Variants in RAB2A observed in about 807,000 individuals in gnomAD.
RAB2A encodes the protein ras-related protein Rab-2A.
In RAB2A, 7 loss-of-function variants were observed where a neutral mutation model predicts 32.5. The ratio of observed to expected loss-of-function variants is 0.22; its 90% CI spans 0.12 to 0.40. The LOEUF (loss-of-function observed/expected upper bound fraction) is 0.40, where lower values mean the gene tolerates loss of function less well. Among genes scored for constraint, RAB2A ranks in the 10% least tolerant of loss-of-function variants. RAB2A has a pLI of 1.00. For missense variants in RAB2A, 108 were observed against 260.7 expected, an observed-to-expected ratio of 0.41 and a Z score of 4.03; for synonymous variants, 79 against 85.2, an observed-to-expected ratio of 0.93 and a Z score of 0.40.
intron 2 of RAB2A, among the ~76,000 whole-genome samples, chr8:60,561,681 C>T (rs893364746): frequency 2.0e-5 from 3 of 152,148 alleles, no homozygotes; most frequent in African/African-American, 4.8e-5. Flanking sequence ...TTGAAGTTTC[C>T]TAGGGACGAG....
At chr8:60,529,149 C>T (rs1220890113) in intron 1 of RAB2A, among the ~76,000 whole-genome samples, 1 of 151,402 alleles carries the variant, frequency 6.6e-6, no homozygotes, top group African/African-American at 2.4e-5. Flanking sequence ...TGATTTCTGA[C>T]TTTATTACAC....
intron 1 of RAB2A, among the ~76,000 whole-genome samples, chr8:60,549,395 C>T (rs1282118307): frequency 1.3e-5 from 2 of 151,834 alleles, no homozygotes; most frequent in African/African-American, 4.8e-5. Flanking sequence ...CCCAGCACCT[C>T]GGGAGGCCGA....
chr8:60,605,828 A>AATATATATATATATATATATATATAT (rs765737905), intron 6 of RAB2A, among the ~76,000 whole-genome samples: 2 of 114,014 alleles, frequency 1.8e-5, no homozygotes, highest in Admixed American at 1.6e-4. Context: ...AAAAGGGACT[A>AATATATATATATATATATATATATAT]ATACATATAT....
chr8:60,586,449 T>C (rs1335398347), intron 5 of RAB2A, among the ~76,000 whole-genome samples: 1 of 150,770 alleles, frequency 6.6e-6, no homozygotes, highest in Non-Finnish European at 1.5e-5. Context: ...TAAAATAAAA[T>C]AGATACTGAT....
intron 2 of RAB2A, among the ~76,000 whole-genome samples, chr8:60,562,519 A>G (rs1276802031): frequency 6.6e-6 from 1 of 152,242 alleles, no homozygotes; most frequent in Non-Finnish European, 1.5e-5. Flanking sequence ...GGTAGCTAAC[A>G]TGAACTATTT....
chr8:60,533,649 GA>G (rs1807513739), intron 1 of RAB2A, among the ~76,000 whole-genome samples: 1 of 152,120 alleles, frequency 6.6e-6, no homozygotes, highest in South Asian at 2.1e-4. Flanking sequence ...ATTTGCAGTT[GA>G]TTTTTTTTCT....
chr8:60,536,437 C>T (rs1332001321), intron 1 of RAB2A, among the ~76,000 whole-genome samples: 1 of 152,092 alleles, frequency 6.6e-6, no homozygotes, highest in Admixed American at 6.6e-5. Context: ...CATTTACATC[C>T]AGTTTGATAT....
intron 1 of RAB2A, chr8:60,558,409 CT>C (rs1308678131): frequency 2.0e-6 from 1 of 506,278 alleles, no homozygotes; most frequent in Non-Finnish European, 3.9e-6. Context: ...GAGCAAGGAG[CT>C]TTTCCCAGAA....
intron 1 of RAB2A, among the ~76,000 whole-genome samples, chr8:60,529,091 T>C (rs56160504): frequency 0.15 from 22,646 of 152,108 alleles, 1,839 homozygotes; most frequent in East Asian, 0.26. Flanking sequence ...CATGTTTCTT[T>C]TTTTTTTCTT....
intron 1 of RAB2A, among the ~76,000 whole-genome samples, chr8:60,548,844 G>C (rs1280345477): frequency 6.6e-6 from 1 of 151,618 alleles, no homozygotes; most frequent in African/African-American, 2.4e-5. Flanking sequence ...CCTCCCGGAC[G>C]AGGTGGCTGC....
chr8:60,584,665 C>A, intron 4 of RAB2A, 58 bp from the exon 5 acceptor site: 3 of 1,364,314 alleles, frequency 2.2e-6, no homozygotes, highest in South Asian at 2.5e-5. Context: ...GTATATTGTT[C>A]GTTGTATACT....
At chr8:60,570,664 A>G (rs2130839412) in intron 2 of RAB2A, among the ~76,000 whole-genome samples, 1 of 152,070 alleles carries the variant, frequency 6.6e-6, no homozygotes, top group East Asian at 1.9e-4. Context: ...ATACATCATG[A>G]CTCCTGGATC....
chr8:60,613,657 A>C (rs771247952), intron 6 of RAB2A, among the ~76,000 whole-genome samples: 1 of 152,200 alleles, frequency 6.6e-6, no homozygotes, highest in Non-Finnish European at 1.5e-5. Context: ...TTAAAGGTCT[A>C]ACTTCATCCC....
intron 1 of RAB2A, among the ~76,000 whole-genome samples, chr8:60,542,774 T>C (rs1156941565): frequency 6.6e-6 from 1 of 152,072 alleles, no homozygotes; most frequent in Non-Finnish European, 1.5e-5. Context: ...TTTTTTTAAT[T>C]GATTCTTTAG....
At chr8:60,619,018 A>C (rs41272429) in intron 7 of RAB2A, 2,919 of 152,416 alleles carry the variant, frequency 0.019, 48 homozygotes, top group Non-Finnish European at 0.031. Flanking sequence ...TCTGGTATAT[A>C]AATGCATGTA....
At chr8:60,587,717 A>G (rs144183360) in intron 5 of RAB2A, among the ~76,000 whole-genome samples, 2 of 152,330 alleles carry the variant, frequency 1.3e-5, no homozygotes, top group East Asian at 3.9e-4. Flanking sequence ...ATACTTTAAA[A>G]CAATATGTTG....
intron 2 of RAB2A, among the ~76,000 whole-genome samples, chr8:60,569,124 AGT>A (rs1362351109): frequency 5.3e-5 from 8 of 152,354 alleles, no homozygotes; most frequent in African/African-American, 1.4e-4. Context: ...CTGAAATTAA[AGT>A]GTGTTTGTTT....
intron 1 of RAB2A, among the ~76,000 whole-genome samples, chr8:60,526,958 G>A (rs1807401185): frequency 8.0e-6 from 1 of 125,278 alleles, no homozygotes. Context: ...GACAGTGCGA[G>A]ACTCCATCTC....
intron 6 of RAB2A, among the ~76,000 whole-genome samples, chr8:60,594,458 A>C (rs1244060520): frequency 6.6e-6 from 1 of 152,180 alleles, no homozygotes; most frequent in Non-Finnish European, 1.5e-5. Flanking sequence ...GAGGACAGAG[A>C]AAATAGCACA....
Sources: allele counts gnomAD v4.1 joint callset (sites outside exome capture counted in the v4.1 genomes callset), GRCh38; gene constraint gnomAD v4.1.1; transcripts MANE v1.5; gene names NCBI Gene and HGNC (gene_info 2026-07-23, HGNC 2026-07-21).